Variants in CDH7 observed in about 807,000 individuals in gnomAD.
CDH7 encodes cadherin 7.
In CDH7, 25 loss-of-function variants were observed where a neutral mutation model predicts 71.8. The observed-to-expected ratio is 0.35, with a 90% CI of 0.25 to 0.49. The LOEUF is 0.49. CDH7 is among the 20% of genes least tolerant of loss of function. The pLI is 0.99. For synonymous variants in CDH7, 381 were observed against 363.8 expected (o/e 1.05, Z -0.54); for missense variants, 862 against 974.6 (o/e 0.88, Z 1.54).
intron 2 of CDH7, among the ~76,000 whole-genome samples, chr18:65,808,111 G>A (rs2143901636): frequency 6.6e-6 from 1 of 152,268 alleles, no homozygotes; most frequent in Non-Finnish European, 1.5e-5. Flanking sequence ...GTAGGATTAA[G>A]GGCAGATGTG....
chr18:65,787,248 T>C (rs1910548984), intron 2 of CDH7, among the ~76,000 whole-genome samples: 1 of 152,202 alleles, frequency 6.6e-6, no homozygotes, highest in South Asian at 2.1e-4. Flanking sequence ...TGTATCAAAT[T>C]ATGCAACATA....
At chr18:65,867,701 T>G (rs1170932681) in intron 11 of CDH7, among the ~76,000 whole-genome samples, 1 of 152,184 alleles carries the variant, frequency 6.6e-6, no homozygotes, top group East Asian at 1.9e-4. Context: ...ATATTAAGTT[T>G]TGGGTGTTTC....
intron 3 of CDH7, among the ~76,000 whole-genome samples, chr18:65,811,780 TAG>T (rs1911546606): frequency 6.6e-6 from 1 of 152,090 alleles, no homozygotes; most frequent in Non-Finnish European, 1.5e-5. Context: ...GCATAGAATA[TAG>T]ATATGTGAAC....
rs1914350103 is a variant in CDH7, at chr18:65,885,413, T to A, written c.*4519T>A. The A allele has an allele frequency of 9.1e-6, 1 of 109,448 alleles. No homozygotes were observed. The highest frequency in any genetic ancestry group is 3.0e-5 in the African/African-American group (1 of 33,646). 6.8% of individuals were successfully genotyped at this position (109,448 alleles called of 1,614,324 possible). On this transcript the variant is annotated 3_prime_UTR_variant, in exon 12 of 12. Transcript: ENST00000397968. ...TTTTTTTTGACGTGGAGTCTCGCTC[T>A]GTCGCCCAGGCTGGAGTGCAGTGGT... is the stretch of plus-strand genomic sequence containing the variant.
At chr18:65,816,743 A>G (rs950107842) in intron 4 of CDH7, among the ~76,000 whole-genome samples, 1 of 152,164 alleles carries the variant, frequency 6.6e-6, no homozygotes, top group African/African-American at 2.4e-5. Context: ...GAATGTGAGT[A>G]GTTGCAAAAC....
rs1568181257 is a variant in CDH7, at chr18:65,781,771, C to CT, written c.210+18721dup. 3.5e-3 allele frequency among the ~76,000 whole-genome samples: 136 copies of CT among 38,862 alleles called. 5 individuals carry two copies. Among genetic ancestry groups the CT allele is most frequent in the African/African-American group, 6.4e-3 (66 of 10,236 alleles). The allele number at this position is 38,862 out of a possible 152,430, so 25.5% of individuals were successfully genotyped here. On this transcript the variant is annotated intron_variant, in intron 2 of 11. Coordinates refer to ENST00000397968, the MANE Select transcript of CDH7 (RefSeq NM_004361.5). ...GTTGATTTCTTTCTTTCTTTCTTTCCTTCCTTCCTTCCTTCCTTCCTTCCT... is the reference window on the plus strand; with the variant it reads ...GTTGATTTCTTTCTTTCTTTCTTTCCTTTCCTTCCTTCCTTCCTTCCTTCCT...
At chr18:65,830,150 G>T (rs1341166132) in intron 6 of CDH7, among the ~76,000 whole-genome samples, 1 of 152,110 alleles carries the variant, frequency 6.6e-6, no homozygotes, top group Admixed American at 6.5e-5. Flanking sequence ...AAAGAACCGG[G>T]GCAATTTCTT....
intron 7 of CDH7, among the ~76,000 whole-genome samples, chr18:65,845,058 G>A (rs1912888481): frequency 6.6e-6 from 1 of 151,856 alleles, no homozygotes; most frequent in African/African-American, 2.4e-5. Context: ...GCTCTAAATT[G>A]TCATGAAAAT....
At chr18:65,751,011 C>T (rs1301100971), upstream of CDH7, 1 of 152,188 alleles carries the variant, frequency 6.6e-6, no homozygotes, top group African/African-American at 2.4e-5. Flanking sequence ...CCGGTTCCTC[C>T]AGTCTGCCCC....
chr18:65,841,497 C>G (rs947460095), intron 6 of CDH7, among the ~76,000 whole-genome samples: 3 of 152,016 alleles, frequency 2.0e-5, no homozygotes, highest in Non-Finnish European at 4.4e-5. Context: ...ATAGACACAT[C>G]ATATTTGAAA....
chr18:65,775,377 C>T (rs1909897831), intron 2 of CDH7, among the ~76,000 whole-genome samples: 1 of 152,118 alleles, frequency 6.6e-6, no homozygotes, highest in African/African-American at 2.4e-5. Context: ...GTTATCAAGA[C>T]TAAATAAGTT....
intron 2 of CDH7, among the ~76,000 whole-genome samples, chr18:65,771,691 A>C (rs1287658751): frequency 6.6e-6 from 1 of 151,696 alleles, no homozygotes; most frequent in Middle Eastern, 3.2e-3. Context: ...AAAAAAAAAA[A>C]CAGTATTAGA....
chr18:65,824,925 G>A, intron 6 of CDH7, 94 bp downstream of exon 6: 2 of 747,412 alleles, frequency 2.7e-6, no homozygotes, highest in Admixed American at 6.0e-5. Context: ...ATGGCCATAT[G>A]GGACCATTAC....
chr18:65,785,284 T>C (rs139637758), intron 2 of CDH7, among the ~76,000 whole-genome samples: 49 of 152,218 alleles, frequency 3.2e-4, no homozygotes, highest in African/African-American at 1.1e-3. Flanking sequence ...GGAACAAATA[T>C]GACATATAGT....
intron 6 of CDH7, among the ~76,000 whole-genome samples, chr18:65,826,019 T>C (rs1238913627): frequency 1.3e-5 from 2 of 151,708 alleles, no homozygotes; most frequent in Non-Finnish European, 3.0e-5. Flanking sequence ...ATATTTTATA[T>C]ATTATAATGA....
At chr18:65,850,767 G>C (rs1255183782) in intron 7 of CDH7, among the ~76,000 whole-genome samples, 1 of 151,660 alleles carries the variant, frequency 6.6e-6, no homozygotes, top group Non-Finnish European at 1.5e-5. Flanking sequence ...ATACAGGCAA[G>C]GTGTCTGCTA....
At chr18:65,797,528 G>A (rs1157356810) in intron 2 of CDH7, among the ~76,000 whole-genome samples, 1 of 152,122 alleles carries the variant, frequency 6.6e-6, no homozygotes, top group Non-Finnish European at 1.5e-5. Context: ...TTTGCTTAGA[G>A]AAGAAAACCT....
chr18:65,805,054 A>T (rs1370268960), intron 2 of CDH7, among the ~76,000 whole-genome samples: 3 of 152,156 alleles, frequency 2.0e-5, no homozygotes, highest in Non-Finnish European at 4.4e-5. Flanking sequence ...TTCAAAGTGG[A>T]TTATAAATTT....
intron 2 of CDH7, among the ~76,000 whole-genome samples, chr18:65,770,538 G>C (rs955873584): frequency 6.6e-6 from 1 of 152,160 alleles, no homozygotes; most frequent in African/African-American, 2.4e-5. Context: ...AAATAAATTA[G>C]TAATGGCAGT....
Sources: gnomAD v4.1 joint callset for allele counts (sites outside exome capture counted in the v4.1 genomes callset) on GRCh38, gnomAD v4.1.1 for gene constraint, MANE v1.5 for transcripts, NCBI Gene and HGNC (gene_info 2026-07-23, HGNC 2026-07-21) for gene names.